The following KAZN variants were observed in gnomAD, a reference collection of about 807,000 sequenced individuals.
KAZN encodes kazrin, periplakin interacting protein, also known as kazrin.
KAZN carries 40 observed loss-of-function variants against 87.4 expected under a neutral mutation model. The observed-to-expected ratio is 0.46, with a 90% CI of 0.36 to 0.60. The LOEUF (loss-of-function observed/expected upper bound fraction) is 0.60. KAZN is among the 20% of genes least tolerant of loss of function. The probability of loss-of-function intolerance (pLI) is 0.00; values close to 1 mark genes in which losing one functional copy is unlikely to be tolerated. For synonymous variants in KAZN, 466 were observed against 458.3 expected, an observed-to-expected ratio of 1.02 and a Z score of -0.22; for missense variants, 898 against 1,073.9, an observed-to-expected ratio of 0.84 and a Z score of 2.29.
chr1:14,076,229 C>T (rs1218502382), intron 1 of KAZN, among the ~76,000 whole-genome samples: 3 of 151,832 alleles, frequency 2.0e-5, no homozygotes, highest in Non-Finnish European at 2.9e-5. Flanking sequence ...TGCGGTGAGC[C>T]GAGATCACGT....
At chr1:14,960,599 C>A (rs1279668565) in intron 1 of KAZN, 85 bp from the exon 2 acceptor site, 1 of 1,446,158 alleles carries the variant, frequency 6.9e-7, no homozygotes, top group Non-Finnish European at 9.3e-7. Flanking sequence ...ACAAAAAAGC[C>A]AAAGCCACCT....
chr1:14,375,491 G>A (rs1660824196), intron 2 of KAZN, among the ~76,000 whole-genome samples: 2 of 152,182 alleles, frequency 1.3e-5, no homozygotes, highest in African/African-American at 4.8e-5. Flanking sequence ...CCACAGGCAA[G>A]ATGCTCATAC....
At chr1:14,628,226 G>C (rs571036887) in intron 1 of KAZN, among the ~76,000 whole-genome samples, 2 of 152,328 alleles carry the variant, frequency 1.3e-5, no homozygotes, top group South Asian at 4.1e-4. Flanking sequence ...CTGTGAGTTT[G>C]TTTGAAAGGA....
intron 1 of KAZN, among the ~76,000 whole-genome samples, chr1:13,938,529 C>A (rs1195532037): frequency 6.6e-6 from 1 of 152,134 alleles, no homozygotes; most frequent in East Asian, 1.9e-4. Context: ...TTATTTATTT[C>A]ATTCCTGATT....
chr1:14,668,454 T>A (rs1350152676), intron 1 of KAZN, among the ~76,000 whole-genome samples: 1 of 151,838 alleles, frequency 6.6e-6, no homozygotes, highest in Non-Finnish European at 1.5e-5. Context: ...CCTCAGAAGG[T>A]CTCCTCACCC....
At chr1:14,779,149 C>T (rs1645260975) in intron 1 of KAZN, among the ~76,000 whole-genome samples, 1 of 152,192 alleles carries the variant, frequency 6.6e-6, no homozygotes, top group Non-Finnish European at 1.5e-5. Flanking sequence ...AATCCAAGGT[C>T]AGGAAATCCC....
At chr1:14,073,418 T>C (rs1163786172) in intron 1 of KAZN, among the ~76,000 whole-genome samples, 1 of 152,218 alleles carries the variant, frequency 6.6e-6, no homozygotes, top group Admixed American at 6.5e-5. Context: ...TTTTTTATTA[T>C]ACTTTAAGTT....
chr1:14,691,211 TG>T (rs1641288066), intron 1 of KAZN, among the ~76,000 whole-genome samples: 1 of 152,314 alleles, frequency 6.6e-6, no homozygotes, highest in African/African-American at 2.4e-5. Context: ...AAAAATCTCC[TG>T]ACTTTGCATC....
intron 4 of KAZN, among the ~76,000 whole-genome samples, chr1:15,050,310 C>G (rs919498494): frequency 6.6e-6 from 1 of 152,178 alleles, no homozygotes; most frequent in African/African-American, 2.4e-5. Flanking sequence ...GTTCACAGCT[C>G]TGTGCTGAGG....
At chr1:14,419,216 GTTC>G (rs1665130831) in intron 2 of KAZN, among the ~76,000 whole-genome samples, 1 of 152,204 alleles carries the variant, frequency 6.6e-6, no homozygotes, top group Admixed American at 6.5e-5. Context: ...TGAGGACACT[GTTC>G]CTGCTGTCAT....
At chr1:14,474,017 A>G (rs1007614158) in intron 2 of KAZN, among the ~76,000 whole-genome samples, 6 of 152,160 alleles carry the variant, frequency 3.9e-5, no homozygotes, top group Non-Finnish European at 1.5e-5. Context: ...CTACTCTAAA[A>G]TTATCCTAGT....
chr1:14,359,911 G>T (rs1659360524), intron 2 of KAZN, among the ~76,000 whole-genome samples: 1 of 152,134 alleles, frequency 6.6e-6, no homozygotes, highest in African/African-American at 2.4e-5. Flanking sequence ...ATGATTATAT[G>T]TCTTGTGGTT....
At chr1:14,200,884 A>C (rs551658025) in intron 2 of KAZN, among the ~76,000 whole-genome samples, 3 of 151,838 alleles carry the variant, frequency 2.0e-5, no homozygotes, top group South Asian at 2.1e-4. Context: ...TTTTTGAAAG[A>C]TAAAGCACCC....
intron 1 of KAZN, among the ~76,000 whole-genome samples, chr1:14,005,847 T>C (rs1640013134): frequency 2.0e-5 from 3 of 152,166 alleles, no homozygotes; most frequent in Non-Finnish European, 2.9e-5. Context: ...CTCCTATCAA[T>C]GGACTCACTG....
At chr1:14,143,717 T>A (rs12086419) in intron 1 of KAZN, among the ~76,000 whole-genome samples, 5 of 149,334 alleles carry the variant, frequency 3.3e-5, no homozygotes, top group Non-Finnish European at 7.5e-5. Flanking sequence ...TTTGCTCTGC[T>A]TTTTTTTTTC....
At chr1:14,939,914 G>T (rs1211075584) in intron 1 of KAZN, among the ~76,000 whole-genome samples, 1 of 152,136 alleles carries the variant, frequency 6.6e-6, no homozygotes, top group Non-Finnish European at 1.5e-5. Flanking sequence ...AAGTCCTCAG[G>T]CTCAGCCTCA....
intron 2 of KAZN, among the ~76,000 whole-genome samples, chr1:15,028,379 G>A (rs917457211): frequency 6.6e-6 from 1 of 152,224 alleles, no homozygotes; most frequent in African/African-American, 2.4e-5. Flanking sequence ...GAGCGCTGGG[G>A]AGCTAGGAGC....
chr1:14,759,317 G>A (rs969304257), intron 1 of KAZN, among the ~76,000 whole-genome samples: 1 of 152,162 alleles, frequency 6.6e-6, no homozygotes, highest in African/African-American at 2.4e-5. Flanking sequence ...TATGTGAAGA[G>A]TGAGAAAAAT....
intron 1 of KAZN, among the ~76,000 whole-genome samples, chr1:14,137,779 G>T (rs1488884119): frequency 7.2e-6 from 1 of 138,734 alleles, no homozygotes; most frequent in Non-Finnish European, 1.5e-5. Flanking sequence ...GGCGATCTCA[G>T]CTCACTGCAA....
Sources: gnomAD v4.1 joint callset for allele counts (sites outside exome capture counted in the v4.1 genomes callset) on GRCh38, gnomAD v4.1.1 for gene constraint, MANE v1.5 for transcripts, NCBI Gene and HGNC (gene_info 2026-07-23, HGNC 2026-07-21) for gene names.